EXOC4: variants seen among roughly 807,000 people sequenced by gnomAD.
EXOC4 encodes exocyst complex component 4.
EXOC4 carries 71 observed loss-of-function variants against 107.2 expected under a neutral mutation model. That is an observed-to-expected ratio of 0.66 (90% CI 0.55 to 0.81). The LOEUF (loss-of-function observed/expected upper bound fraction) is 0.81, where lower values mean the gene tolerates loss of function less well. Ranked by LOEUF, EXOC4 falls within the 30% of genes least tolerant of loss-of-function variation. EXOC4 has a pLI of 0.00. For missense variants in EXOC4, 1,108 were observed against 1,189.6 expected, an observed-to-expected ratio of 0.93 and a Z score of 1.01; for synonymous variants, 456 against 441.2, an observed-to-expected ratio of 1.03 and a Z score of -0.42.
rs182457708 is a variant in EXOC4 at position 133,546,319 on chromosome 7, C to T, written c.1417+66181C>T. ...TCACCCAGGCTGGAGTGCAGTGGCA[C>T]GATCTTGGTCACTGCAGCCTCTGCC... On this transcript the variant is annotated intron_variant, in intron 9 of 17. Transcript: ENST00000253861. Among the ~76,000 whole-genome samples the T allele has an allele frequency of 6.4e-3, 946 of 147,692 alleles. 10 individuals carry two copies. Among genetic ancestry groups the T allele is most frequent in the African/African-American group, 0.023 (901 of 39,942 alleles).
chr7:133,951,121 T>C (rs10258052), intron 14 of EXOC4, among the ~76,000 whole-genome samples: 80,787 of 152,116 alleles, frequency 0.53, 22,651 homozygotes, highest in Admixed American at 0.65. Flanking sequence ...CTCCCATTCC[T>C]GCAAAACAAA....
In EXOC4 at chr7:133,374,964, A is replaced by G; in HGVS notation, c.1144A>G (p.Met382Val). The change falls in exon 7 of 18, where the codon ATG becomes GTG. Residue 382 changes from methionine to valine, a missense_variant. Physicochemically the swap from Met to Val is conservative, Grantham distance 21. Transcript: ENST00000253861. ...GCAGGAAGATATCAAACTGTATGAT[A>G]TGGCAGATGTATGGGTGAAGATCCA... ...TQQEDIKLYD[M>V]ADVWVKIQDV... 1.9e-6 allele frequency: 3 copies of G among 1,614,026 alleles called. No individual in the cohort carries two copies. Among genetic ancestry groups the G allele is most frequent in the Non-Finnish European group, 2.5e-6 (3 of 1,179,960 alleles).
At chr7:133,292,754 A>G (rs923092456) in intron 3 of EXOC4, among the ~76,000 whole-genome samples, 3 of 152,126 alleles carry the variant, frequency 2.0e-5, no homozygotes, top group African/African-American at 7.2e-5. Context: ...GTCATTGAGG[A>G]TAGTGGTTGT....
At chr7:133,547,074 T>C (rs550267706) in intron 9 of EXOC4, among the ~76,000 whole-genome samples, 5 of 152,284 alleles carry the variant, frequency 3.3e-5, no homozygotes, top group African/African-American at 1.2e-4. Context: ...CCACTAAACT[T>C]TATTATTGTT....
chr7:133,773,512 GGACAA>G (rs1205527429), intron 10 of EXOC4, among the ~76,000 whole-genome samples: 4 of 147,964 alleles, frequency 2.7e-5, no homozygotes, highest in Non-Finnish European at 5.9e-5. Context: ...TGAGCTCCCT[GGACAA>G]TTGTGAAAAA....
chr7:134,005,157 G>T, intron 16 of EXOC4, 67 bp downstream of exon 16: 2 of 1,491,428 alleles, frequency 1.3e-6, no homozygotes, highest in Non-Finnish European at 1.8e-6. Flanking sequence ...CTGATTTTCT[G>T]TATTACTGAA....
intron 17 of EXOC4, among the ~76,000 whole-genome samples, chr7:134,025,455 C>A (rs1795119128): frequency 6.6e-6 from 1 of 152,212 alleles, no homozygotes. Context: ...AAAACAACAA[C>A]CATTATATGA....
At chr7:133,705,798 C>T (rs1057134480) in intron 10 of EXOC4, among the ~76,000 whole-genome samples, 1 of 152,172 alleles carries the variant, frequency 6.6e-6, no homozygotes, top group Admixed American at 6.5e-5. Context: ...CTGGATGAGA[C>T]AGAGTGGGAC....
chr7:134,086,797 G>A, the EXOC4 span, among the ~76,000 whole-genome samples: 33,205 of 152,082 alleles, frequency 0.22, 5,581 homozygotes, highest in African/African-American at 0.47. Flanking sequence ...AGCAGCCACA[G>A]GGGCTGCTGG....
At chr7:133,962,610 A>G (rs1800973060) in intron 14 of EXOC4, among the ~76,000 whole-genome samples, 1 of 152,176 alleles carries the variant, frequency 6.6e-6, no homozygotes, top group Non-Finnish European at 1.5e-5. Context: ...GTCACTCTTT[A>G]TATACTATCT....
At chr7:133,916,640 A>T (rs895281832) in intron 12 of EXOC4, among the ~76,000 whole-genome samples, 1 of 152,082 alleles carries the variant, frequency 6.6e-6, no homozygotes, top group Non-Finnish European at 1.5e-5. Context: ...CATACATGCC[A>T]TATATATTGT....
At chr7:133,590,979 C>T (rs984124909) in intron 9 of EXOC4, among the ~76,000 whole-genome samples, 1 of 152,188 alleles carries the variant, frequency 6.6e-6, no homozygotes. Flanking sequence ...ATGGCTGATA[C>T]AGGGCTCAGC....
At chr7:133,309,462 T>C (rs1794822416) in intron 4 of EXOC4, among the ~76,000 whole-genome samples, 1 of 152,170 alleles carries the variant, frequency 6.6e-6, no homozygotes. Flanking sequence ...ATTAGTATTC[T>C]TTTTCCGAGC....
chr7:133,288,773 G>T, intron 2 of EXOC4, 149 bp from the exon 3 acceptor site: 1 of 601,702 alleles, frequency 1.7e-6, no homozygotes. Context: ...ACCAGGATTA[G>T]AATTTTGGAG....
chr7:133,899,892 C>T (rs118091221), intron 12 of EXOC4, among the ~76,000 whole-genome samples: 114 of 152,054 alleles, frequency 7.5e-4, no homozygotes, highest in Non-Finnish European at 1.5e-3. Flanking sequence ...ACTACAGGCA[C>T]AAGCCACCAT....
At position 133,488,175 on chromosome 7, in the gene EXOC4, G is replaced by T. The variant is rs138229209; in HGVS notation, c.1417+8037G>T. ...ATAGAAATTTTCCTTTATGAAGGGA[G>T]CTATTAATTAACAAAATTCAGAAGA... On this transcript the variant is annotated intron_variant, in intron 9 of 17. Coordinates refer to ENST00000253861, the MANE Select transcript of EXOC4 (RefSeq NM_021807.4). Among the ~76,000 whole-genome samples the T allele has an allele frequency of 2.4e-3, 368 of 152,238 alleles. 5 individuals are homozygous for T. The highest frequency in any genetic ancestry group is 8.3e-3 in the African/African-American group (344 of 41,560).
At chr7:133,979,807 C>A (rs919613283) in intron 14 of EXOC4, among the ~76,000 whole-genome samples, 5 of 151,724 alleles carry the variant, frequency 3.3e-5, no homozygotes, top group African/African-American at 7.3e-5. Context: ...GAAAAAAAAA[C>A]CCTAAATTGC....
At chr7:133,471,937 C>T (rs979456189) in intron 7 of EXOC4, among the ~76,000 whole-genome samples, 2 of 152,026 alleles carry the variant, frequency 1.3e-5, no homozygotes, top group Admixed American at 6.6e-5. Flanking sequence ...AAGGGTATAG[C>T]CAACTAGAGT....
intron 9 of EXOC4, among the ~76,000 whole-genome samples, chr7:133,561,808 C>T (rs1434000817): frequency 2.6e-5 from 4 of 152,156 alleles, no homozygotes; most frequent in South Asian, 2.1e-4. Context: ...TGGGTGCGTG[C>T]GCGTGCCCCA....
Sources: gnomAD v4.1 joint callset for allele counts (sites outside exome capture counted in the v4.1 genomes callset) on GRCh38, gnomAD v4.1.1 for gene constraint, MANE v1.5 for transcripts, NCBI Gene and HGNC (gene_info 2026-07-23, HGNC 2026-07-21) for gene names.